The following DMD variants were observed in gnomAD, a reference collection of about 807,000 sequenced individuals.
The protein encoded by DMD is dystrophin.
A neutral mutation model predicts 330.1 loss-of-function variants in DMD; 63 were observed. That is an observed-to-expected ratio of 0.19 (90% confidence interval 0.16 to 0.24). DMD has a LOEUF of 0.24. Among genes scored for constraint, DMD ranks in the 10% least tolerant of loss-of-function variants. The pLI is 1.00. For missense variants in DMD, 3,344 were observed against 2,684.1 expected (o/e 1.25, Z -5.43); for synonymous variants, 1,223 against 959.8 (o/e 1.27, Z -5.07).
At chrX:31,729,838 A>G in intron 51 of DMD, 90 bp from the exon 52 acceptor site, 1 of 718,712 alleles carries the variant, frequency 1.4e-6, no homozygotes, top group Non-Finnish European at 2.2e-6. Flanking sequence ...TTGTGAGACC[A>G]GCCAAAACAC....
intron 1 of DMD, among the ~76,000 whole-genome samples, chrX:33,303,632 A>G (rs748968463): frequency 9.0e-6 from 1 of 111,339 alleles, no homozygotes; most frequent in African/African-American, 3.3e-5. Context: ...TGGTTTCCCC[A>G]TGCTATTCTT....
Position 32,644,059 on chromosome X carries a change from C to G in DMD, c.1331+73G>C, listed in dbSNP as rs2059635986. 1.1e-5 allele frequency: 10 copies of G among 929,476 alleles called. No individual in the cohort carries two copies. The South Asian group carries it at 2.3e-4, about 21-fold the overall frequency. The allele number at this position is 929,476 out of a possible 1,213,427, so 76.6% of individuals were successfully genotyped here. A position where few individuals can be genotyped will look rare whatever the true frequency, so the allele number is the denominator to read the frequency against. ...AAACTGAGAATCGTAACTTAACCAT[C>G]AAACCACATCAAAATAATCACAAGC... On this transcript the variant is annotated intron_variant, in intron 11 of 78. Transcript: ENST00000357033.
chrX:32,940,348 C>T (rs1192641812), intron 2 of DMD, among the ~76,000 whole-genome samples: 1 of 111,891 alleles, frequency 8.9e-6, no homozygotes, highest in East Asian at 2.8e-4. Context: ...AATCAGTTCA[C>T]TGCGTATATG....
chrX:33,247,258 C>T (rs2052681637), intron 1 of DMD, among the ~76,000 whole-genome samples: 1 of 111,314 alleles, frequency 9.0e-6, no homozygotes. Flanking sequence ...CCGTCACATC[C>T]ATTACAAGCA....
In DMD at chrX:32,287,659, T is replaced by C. The variant is rs2097447973; in HGVS notation, c.6160A>G (p.Ile2054Val). 8.3e-7 allele frequency: 1 copy of C among 1,210,229 alleles called. No homozygotes were observed. Among genetic ancestry groups the C allele is most frequent in the South Asian group, 1.8e-5 (1 of 56,874 alleles). Residue 2054 changes from isoleucine to valine, a missense_variant, in exon 43 of 79, where the codon ATT (isoleucine) becomes GTT (valine). Ile to Val is a conservative substitution (Grantham distance 29). Transcript: ENST00000357033. The part of the protein sequence containing the change: ...SLQQSSGRID[I>V]IHSKKTAALQ... ...GCTGCTGTCTTCTTGCTATGAATAA[T>C]GTCAATCCGACCTGAGCTTTGTTGT...
intron 47 of DMD, among the ~76,000 whole-genome samples, chrX:31,907,376 TG>T (rs1795548543): frequency 9.0e-6 from 1 of 111,301 alleles, no homozygotes; most frequent in African/African-American, 3.3e-5. Flanking sequence ...TATAGACCAA[TG>T]GAACAGAACG....
chrX:32,964,834 A>G (rs1246465447), intron 2 of DMD, among the ~76,000 whole-genome samples: 1 of 112,553 alleles, frequency 8.9e-6, no homozygotes, highest in Non-Finnish European at 1.9e-5. Context: ...CAAAACAATG[A>G]TCATCAATGG....
intron 2 of DMD, among the ~76,000 whole-genome samples, chrX:32,862,442 CA>C (rs1029071046): frequency 9.0e-6 from 1 of 111,493 alleles, no homozygotes; most frequent in Admixed American, 9.5e-5. Context: ...GTATGCTTAA[CA>C]AAAAGTCAGC....
chrX:32,993,809 C>T (rs1362568847), intron 2 of DMD, among the ~76,000 whole-genome samples: 2 of 109,991 alleles, frequency 1.8e-5, no homozygotes, highest in Non-Finnish European at 1.9e-5. Flanking sequence ...TTGATTTCCT[C>T]GCCTATCACA....
In DMD at chrX:31,968,353, T is replaced by C. The variant is rs1039612595; in HGVS notation, c.6600A>G (p.Ser2200=). The part of the protein sequence containing the change: ...LRWQEVCKQL[S]DRKKRLEEQK... ...TGTCGCCCTACCTCTTTTTTCTGTCTGACAGCTGTTTGCAGACCTCCTGCC... is the reference window on the plus strand; with the variant it reads ...TGTCGCCCTACCTCTTTTTTCTGTCCGACAGCTGTTTGCAGACCTCCTGCC... Residue 2200 remains serine, a synonymous_variant, in exon 45 of 79, where the codon TCA becomes TCG. Transcript: ENST00000357033. 2 of 1,210,738 alleles carry C rather than the reference T, an allele frequency of 1.7e-6. No homozygotes were observed. Among genetic ancestry groups the C allele is most frequent in the Non-Finnish European group, 2.2e-6 (2 of 894,728 alleles).
intron 11 of DMD, among the ~76,000 whole-genome samples, chrX:32,618,671 A>G (rs1355992661): frequency 1.8e-5 from 2 of 111,739 alleles, no homozygotes; most frequent in African/African-American, 3.2e-5. Flanking sequence ...GTTAAAATAT[A>G]ATAGTAATTA....
At chrX:32,504,544 T>C (rs375193240) in intron 18 of DMD, among the ~76,000 whole-genome samples, 2 of 110,904 alleles carry the variant, frequency 1.8e-5, no homozygotes, top group African/African-American at 3.3e-5. Context: ...GGAAAATCCC[T>C]TGAACCCGGG....
intron 2 of DMD, among the ~76,000 whole-genome samples, chrX:32,922,574 G>A (rs991702253): frequency 3.6e-5 from 4 of 112,257 alleles, no homozygotes; most frequent in Non-Finnish European, 7.5e-5. Context: ...CTCATAAGGA[G>A]CACACAACCT....
intron 2 of DMD, among the ~76,000 whole-genome samples, chrX:33,009,890 A>G (rs1445412009): frequency 3.5e-5 from 2 of 56,832 alleles, no homozygotes; most frequent in African/African-American, 8.1e-5. Flanking sequence ...ATACACACAT[A>G]TGTGTATATG....
intron 55 of DMD, 47 bp from the exon 56 acceptor site, chrX:31,507,500 AG>A (rs1249491793): frequency 1.8e-6 from 2 of 1,112,660 alleles, no homozygotes. Flanking sequence ...ACCAAACAAA[AG>A]AAACAAGCGA....
At chrX:32,123,753 T>C (rs990863450) in intron 44 of DMD, among the ~76,000 whole-genome samples, 1 of 111,887 alleles carries the variant, frequency 8.9e-6, no homozygotes, top group Non-Finnish European at 1.9e-5. Context: ...TTTATGTCTG[T>C]CATAGATTAG....
chrX:32,719,632 G>A (rs944633353), intron 7 of DMD, among the ~76,000 whole-genome samples: 1 of 111,742 alleles, frequency 8.9e-6, no homozygotes, highest in Non-Finnish European at 1.9e-5. Flanking sequence ...TTTGGATATT[G>A]TACAGATGCA....
intron 2 of DMD, among the ~76,000 whole-genome samples, chrX:32,997,488 C>T (rs1362397805): frequency 1.8e-5 from 2 of 111,975 alleles, no homozygotes; most frequent in African/African-American, 3.2e-5. Context: ...TCGTGATCTG[C>T]CTGCCTCAGC....
At chrX:32,599,759 T>G (rs1209308018) in intron 12 of DMD, among the ~76,000 whole-genome samples, 2 of 111,993 alleles carry the variant, frequency 1.8e-5, no homozygotes, top group East Asian at 5.6e-4. Flanking sequence ...ACTAGGTACT[T>G]TATTATGCAT....
Sources: allele counts gnomAD v4.1 joint callset (sites outside exome capture counted in the v4.1 genomes callset), GRCh38; gene constraint gnomAD v4.1.1; transcripts MANE v1.5; gene names NCBI Gene and HGNC (gene_info 2026-07-23, HGNC 2026-07-21).